ULK4: variants seen among roughly 807,000 people sequenced by gnomAD.
The protein encoded by ULK4 is inactive serine/threonine-protein kinase ULK4.
In ULK4, 133 loss-of-function variants were observed where a neutral mutation model predicts 160.6. The ratio of observed to expected loss-of-function variants is 0.83; its 90% CI spans 0.72 to 0.96. The LOEUF (loss-of-function observed/expected upper bound fraction) is 0.96. Ranked by LOEUF, ULK4 falls within the 40% of genes least tolerant of loss-of-function variation. The pLI, the probability that ULK4 is intolerant of heterozygous loss-of-function variation, is 0.00. For missense variants in ULK4, 1,580 were observed against 1,499.5 expected (o/e 1.05, Z -0.89); for synonymous variants, 534 against 539.8 (o/e 0.99, Z 0.15).
At chr3:41,285,097 G>A in intron 35 of ULK4, among the ~76,000 whole-genome samples, 1 of 152,146 alleles carries the variant, frequency 6.6e-6, no homozygotes, top group East Asian at 1.9e-4. Context: ...AACAGTAGAT[G>A]TGGGCATGGA....
chr3:41,878,905 C>G (rs9825421), intron 17 of ULK4, among the ~76,000 whole-genome samples: 2 of 103,396 alleles, frequency 1.9e-5, no homozygotes, highest in Admixed American at 2.4e-4. Flanking sequence ...CCCAAGCCAT[C>G]CCCCCAAAAA....
At chr3:41,392,208 A>G (rs2081971887) in intron 35 of ULK4, among the ~76,000 whole-genome samples, 1 of 152,168 alleles carries the variant, frequency 6.6e-6, no homozygotes, top group Non-Finnish European at 1.5e-5. Flanking sequence ...CTAAAGCAGG[A>G]AGTATAATTA....
intron 32 of ULK4, among the ~76,000 whole-genome samples, chr3:41,483,107 T>C (rs897866457): frequency 6.6e-6 from 1 of 152,198 alleles, no homozygotes; most frequent in African/African-American, 2.4e-5. Flanking sequence ...CCAGATCTTA[T>C]GCATTCCTTC....
intron 31 of ULK4, among the ~76,000 whole-genome samples, chr3:41,598,214 G>A (rs752333953): frequency 2.0e-5 from 3 of 152,140 alleles, no homozygotes; most frequent in Non-Finnish European, 4.4e-5. Flanking sequence ...ACCTACCCTT[G>A]CTTCAGCCTG....
chr3:41,545,745 G>A (rs766100952), intron 32 of ULK4, among the ~76,000 whole-genome samples: 4 of 151,830 alleles, frequency 2.6e-5, no homozygotes, highest in Non-Finnish European at 4.4e-5. Flanking sequence ...TCTGTTTCTG[G>A]GATTCCAAGT....
rs1313431957 is a variant in ULK4, at chr3:41,754,374, T to C, written c.2308A>G (p.Ser770Gly). ...LIYNREMLLL[S>G]CQARLVMYIE... Reference sequence around the variant, plus strand: ...AGAAAATCTTACCTTGCTTGGCAACTGAGCAGCAACATCTCACGGTTATAA... The same window carrying C: ...AGAAAATCTTACCTTGCTTGGCAACCGAGCAGCAACATCTCACGGTTATAA... Residue 770 changes from serine (S) to glycine (G), a missense_variant, in exon 22 of 37, where the codon AGT (serine) becomes GGT (glycine). By Grantham distance (56) the Ser-to-Gly change is moderately conservative. Transcript: ENST00000301831. The C allele has an allele frequency of 6.2e-7, 1 of 1,608,804 alleles. No homozygotes were observed. Among genetic ancestry groups the C allele is most frequent in the Non-Finnish European group, 8.5e-7 (1 of 1,177,938 alleles).
chr3:41,421,400 C>A (rs2082661096), intron 34 of ULK4, among the ~76,000 whole-genome samples: 1 of 152,062 alleles, frequency 6.6e-6, no homozygotes, highest in Admixed American at 6.5e-5. Context: ...TTTAGAGTTT[C>A]TTTATTTAAA....
At chr3:41,440,205 T>C (rs527420174) in intron 34 of ULK4, among the ~76,000 whole-genome samples, 9 of 152,266 alleles carry the variant, frequency 5.9e-5, no homozygotes, top group South Asian at 2.1e-4. Flanking sequence ...TCTTGTTTGA[T>C]TGCACTGGCA....
chr3:41,740,238 A>G (rs910035789), intron 22 of ULK4, among the ~76,000 whole-genome samples: 2 of 151,912 alleles, frequency 1.3e-5, no homozygotes, highest in Non-Finnish European at 2.9e-5. Context: ...CAGAGTAAAT[A>G]TTTATTTTAA....
intron 21 of ULK4, among the ~76,000 whole-genome samples, chr3:41,782,490 AACCTTAGTTTACTATGTG>A (rs1189196346): frequency 1.3e-5 from 2 of 152,194 alleles, no homozygotes; most frequent in African/African-American, 4.8e-5. Context: ...AAAAAAAGAA[AACCTTAGTTTACTATGTG>A]ACCTCTAAGT....
At chr3:41,766,204 GT>G (rs1332054368) in intron 21 of ULK4, among the ~76,000 whole-genome samples, 2 of 128,576 alleles carry the variant, frequency 1.6e-5, no homozygotes, top group African/African-American at 5.3e-5. Context: ...GGAGGCAGAG[GT>G]TGCAGTAAGC....
rs76613261 is a variant in ULK4, at chr3:41,500,640, C to T, written c.3227-37387G>A. ...AATGCTAGTGGCTATCCCAGAGACA[C>T]AGCAACTTCATCTATACATTCACTA... On this transcript the variant is annotated intron_variant, in intron 32 of 36. Transcript: ENST00000301831. Among the ~76,000 whole-genome samples, 5 of 152,158 alleles carry T rather than the reference C, an allele frequency of 3.3e-5. No individual in the cohort carries two copies. In the East Asian group the frequency reaches 5.8e-4, roughly 18 times the overall value.
chr3:41,851,273 GT>G (rs1384088614), intron 17 of ULK4, among the ~76,000 whole-genome samples: 1 of 152,096 alleles, frequency 6.6e-6, no homozygotes, highest in Non-Finnish European at 1.5e-5. Context: ...TTTATTGAGA[GT>G]TTTTAGCATG....
chr3:41,601,507 G>T (rs1200175492), intron 31 of ULK4, among the ~76,000 whole-genome samples: 1 of 152,118 alleles, frequency 6.6e-6, no homozygotes, highest in Non-Finnish European at 1.5e-5. Flanking sequence ...AAAATTGTGG[G>T]TTGGAGGGTG....
chr3:41,818,302 C>T lies in ULK4; in HGVS notation c.1848+1121G>A, dbSNP rs149677922. ...CACTGTCAACAGGATCCCTAAAAGC[C>T]TTCTCTCTCCCTTGAGTTCCTATAT... On this transcript the variant is annotated intron_variant, in intron 19 of 36. Coordinates refer to ENST00000301831, the MANE Select transcript of ULK4 (RefSeq NM_017886.4). Among the ~76,000 whole-genome samples the T allele has an allele frequency of 6.8e-3, 1,028 of 152,250 alleles. 10 individuals carry two copies. The highest frequency in any genetic ancestry group is 0.024 in the African/African-American group (988 of 41,562).
chr3:41,725,474 T>C (rs1032040181), intron 22 of ULK4, among the ~76,000 whole-genome samples: 1 of 152,224 alleles, frequency 6.6e-6, no homozygotes, highest in Non-Finnish European at 1.5e-5. Flanking sequence ...ATTTCTCTGC[T>C]TCAGAGAGTC....
intron 32 of ULK4, among the ~76,000 whole-genome samples, chr3:41,548,558 C>T (rs1317676406): frequency 6.6e-6 from 1 of 152,092 alleles, no homozygotes; most frequent in Non-Finnish European, 1.5e-5. Flanking sequence ...ACATCATTAC[C>T]ACTGCTAGCA....
At chr3:41,832,048 C>T (rs965435027) in intron 18 of ULK4, among the ~76,000 whole-genome samples, 1 of 152,060 alleles carries the variant, frequency 6.6e-6, no homozygotes, top group African/African-American at 2.4e-5. Context: ...GATCTATATT[C>T]CTTTGGGTTT....
chr3:41,500,633 A>T (rs1358372055), intron 32 of ULK4, among the ~76,000 whole-genome samples: 1 of 152,164 alleles, frequency 6.6e-6, no homozygotes, highest in East Asian at 1.9e-4. Flanking sequence ...TGGCTATCCC[A>T]GAGACACAGC....
Sources: allele counts gnomAD v4.1 joint callset (sites outside exome capture counted in the v4.1 genomes callset), GRCh38; gene constraint gnomAD v4.1.1; transcripts MANE v1.5; gene names NCBI Gene and HGNC (gene_info 2026-07-23, HGNC 2026-07-21).